Variants in ZFYVE9 observed in about 807,000 individuals in gnomAD.
ZFYVE9 encodes zinc finger FYVE domain-containing protein 9.
In ZFYVE9, 43 loss-of-function variants were observed where a neutral mutation model predicts 126.7. That is an observed-to-expected ratio of 0.34 (90% confidence interval 0.27 to 0.44). The LOEUF (loss-of-function observed/expected upper bound fraction) is 0.44, where lower values mean the gene tolerates loss of function less well. Ranked by LOEUF, ZFYVE9 falls within the 20% of genes least tolerant of loss-of-function variation. The pLI is 1.00. For missense variants in ZFYVE9, 1,476 were observed against 1,697.0 expected (o/e 0.87, Z 2.29); for synonymous variants, 521 against 597.4 (o/e 0.87, Z 1.87).
At position 52,266,829 on chromosome 1, in the gene ZFYVE9, A is replaced by G; in HGVS notation, c.2453A>G (p.Glu818Gly). Residue 818 changes from glutamate to glycine, a missense_variant and splice_region_variant, in exon 6 of 19, where the codon GAA (glutamate) becomes GGA (glycine). By Grantham distance (98) the Glu-to-Gly change is moderately conservative. Coordinates refer to ENST00000287727, the MANE Select transcript of ZFYVE9 (RefSeq NM_004799.4). ...PVGVLKHPGA[E>G]VAQPREQRRV... Reference sequence around the variant, plus strand: ...GGAGTTTTAAAGCACCCTGGAGCAGAAGGTAGGGGATCATGTGCTATTCTC... The same window carrying G: ...GGAGTTTTAAAGCACCCTGGAGCAGGAGGTAGGGGATCATGTGCTATTCTC... The G allele has an allele frequency of 6.3e-7, 1 of 1,594,622 alleles. No homozygotes were observed. The highest frequency in any genetic ancestry group is 8.5e-7 in the Non-Finnish European group (1 of 1,172,148).
chr1:52,199,249 A>G (rs539257412), intron 1 of ZFYVE9, among the ~76,000 whole-genome samples: 60 of 152,078 alleles, frequency 3.9e-4, no homozygotes, highest in African/African-American at 1.4e-3. Flanking sequence ...TATTTTTTTT[A>G]GTAGAGACGG....
intron 1 of ZFYVE9, among the ~76,000 whole-genome samples, chr1:52,196,530 G>C (rs763694177): frequency 6.6e-6 from 1 of 151,996 alleles, no homozygotes; most frequent in Non-Finnish European, 1.5e-5. Flanking sequence ...CCAGCTACTC[G>C]GGAGGCTGAG....
intron 4 of ZFYVE9, among the ~76,000 whole-genome samples, chr1:52,251,709 A>G (rs758935086): frequency 6.6e-6 from 1 of 152,222 alleles, no homozygotes; most frequent in Non-Finnish European, 1.5e-5. Context: ...CTGGCTTCAC[A>G]GAAGGAGTTA....
intron 1 of ZFYVE9, among the ~76,000 whole-genome samples, chr1:52,154,973 A>G (rs1429496384): frequency 1.3e-5 from 2 of 152,200 alleles, no homozygotes; most frequent in Non-Finnish European, 2.9e-5. Context: ...AAATGGTGCT[A>G]GTATGGTGAG....
intron 14 of ZFYVE9, among the ~76,000 whole-genome samples, chr1:52,333,461 T>C (rs1646362090): frequency 6.6e-6 from 1 of 152,042 alleles, no homozygotes; most frequent in Non-Finnish European, 1.5e-5. Flanking sequence ...GAGGTTTCAG[T>C]GCTATTCAGA....
At chr1:52,179,784 A>G (rs764686259) in intron 1 of ZFYVE9, 6 of 492,034 alleles carry the variant, frequency 1.2e-5, no homozygotes, top group South Asian at 6.9e-5. Flanking sequence ...TGGATAGGCT[A>G]AATAAAAAGG....
At chr1:52,267,157 G>A (rs1645641457) in intron 6 of ZFYVE9, among the ~76,000 whole-genome samples, 1 of 152,300 alleles carries the variant, frequency 6.6e-6, no homozygotes, top group South Asian at 2.1e-4. Flanking sequence ...CCTACCTCAT[G>A]CCTGTCTTAA....
chr1:52,222,632 T>C (rs776308263), intron 2 of ZFYVE9, among the ~76,000 whole-genome samples: 2 of 152,216 alleles, frequency 1.3e-5, no homozygotes, highest in Non-Finnish European at 2.9e-5. Context: ...TTCAATTATA[T>C]GTTTTAAACC....
At chr1:52,196,992 CAATT>C (rs955953407) in intron 1 of ZFYVE9, among the ~76,000 whole-genome samples, 2 of 151,978 alleles carry the variant, frequency 1.3e-5, no homozygotes, top group African/African-American at 2.4e-5. Context: ...TAATATCAAA[CAATT>C]GAAGAATTTC....
At chr1:52,327,124 A>G (rs750385506) in intron 13 of ZFYVE9, among the ~76,000 whole-genome samples, 12 of 151,470 alleles carry the variant, frequency 7.9e-5, no homozygotes, top group Non-Finnish European at 1.8e-4. Flanking sequence ...TTGCACCACT[A>G]CACTCCAGCC....
At chr1:52,195,248 T>C (rs2124560412) in intron 1 of ZFYVE9, among the ~76,000 whole-genome samples, 1 of 152,332 alleles carries the variant, frequency 6.6e-6, no homozygotes, top group East Asian at 1.9e-4. Context: ...AAAATATTTC[T>C]AAAGGGTGAA....
intron 2 of ZFYVE9, among the ~76,000 whole-genome samples, chr1:52,230,524 T>TAA (rs113889971): frequency 1.2e-4 from 16 of 131,586 alleles, no homozygotes; most frequent in African/African-American, 3.4e-4. Flanking sequence ...TCCTGGAACT[T>TAA]AAAAAAAAAA....
chr1:52,340,468 A>G (rs1646425257), intron 17 of ZFYVE9, among the ~76,000 whole-genome samples: 1 of 152,216 alleles, frequency 6.6e-6, no homozygotes, highest in Admixed American at 6.5e-5. Flanking sequence ...ATTTCTTTGC[A>G]TTGGAACTCC....
chr1:52,340,108 C>G lies in ZFYVE9; in HGVS notation c.3834-18C>G, dbSNP rs761525082. 1.3e-6 allele frequency: 2 copies of G among 1,596,278 alleles called. No homozygotes were observed. The highest frequency in any genetic ancestry group is 1.7e-6 in the Non-Finnish European group (2 of 1,165,480). On this transcript the variant is annotated intron_variant, in intron 16 of 18. Transcript: ENST00000287727. The stretch of plus-strand genomic sequence containing the variant: ...AACTTCAAGAGCTGCTTCTATCTTT[C>G]CTTTGCCTCTATTTTAGTGTCGTAA...
intron 4 of ZFYVE9, among the ~76,000 whole-genome samples, chr1:52,241,357 T>C (rs1277460402): frequency 6.6e-6 from 1 of 152,104 alleles, no homozygotes; most frequent in Non-Finnish European, 1.5e-5. Context: ...TTGAAGAAAA[T>C]AATATGTCTA....
chr1:52,175,304 C>A (rs1355642172), intron 1 of ZFYVE9, among the ~76,000 whole-genome samples: 4 of 150,386 alleles, frequency 2.7e-5, no homozygotes, highest in African/African-American at 9.8e-5. Flanking sequence ...GTTGAAAATT[C>A]TTTTCTTTAA....
In ZFYVE9 at chr1:52,235,341, C is replaced by T. The variant is rs202045991; in HGVS notation, c.70+2065C>T. On this transcript the variant is annotated intron_variant, in intron 3 of 18. Coordinates refer to ENST00000287727, the MANE Select transcript of ZFYVE9 (RefSeq NM_004799.4). ...GACTGTGATGACACTGGGCAATCAA[C>T]ATTATGCCCAGGTAGGAGGCAGTTG... is the stretch of plus-strand genomic sequence containing the variant. 2.0e-5 allele frequency among the ~76,000 whole-genome samples: 3 copies of T among 152,180 alleles called. No homozygotes were observed. The East Asian group carries it at 5.8e-4, about 29-fold the overall frequency.
chr1:52,264,078 G>T, intron 5 of ZFYVE9: 1 of 329,962 alleles, frequency 3.0e-6, no homozygotes, highest in Non-Finnish European at 5.6e-6. Flanking sequence ...ATGAATAAAT[G>T]CTAAAGCCAG....
rs369257299 is a variant in ZFYVE9 at position 52,238,610 on chromosome 1, A to C, written c.1193A>C (p.Asp398Ala). ...ACAGAGCATTTCTCTGAATCTCAGG[A>C]CATGACTAATTGGAAGTTGACTAAA... ...NMTEHFSESQ[D>A]MTNWKLTKLN... The change falls in exon 4 of 19, where the codon GAC becomes GCC. Residue 398 changes from aspartate to alanine, a missense_variant. This residue lies in a region of ZFYVE9 where 807 missense variants were observed against 794.6 expected (regional missense o/e 1.02). Transcript: ENST00000287727. 15 of 1,614,096 alleles carry C rather than the reference A, an allele frequency of 9.3e-6. No homozygotes were observed. In the African/African-American group the frequency reaches 1.9e-4, roughly 20 times the overall value.
Sources: gnomAD v4.1 joint callset for allele counts (sites outside exome capture counted in the v4.1 genomes callset) on GRCh38, gnomAD v4.1.1 for gene constraint, gnomAD v4.1.1 regional missense constraint, MANE v1.5 for transcripts, NCBI Gene and HGNC (gene_info 2026-07-23, HGNC 2026-07-21) for gene names.